The following TMEM67 variants were observed in gnomAD, a reference collection of about 807,000 sequenced individuals.
TMEM67 encodes the protein transmembrane protein 67.
TMEM67 carries 124 observed loss-of-function variants against 136.6 expected under a neutral mutation model. That is an observed-to-expected ratio of 0.91 (90% confidence interval 0.78 to 1.05). The LOEUF (loss-of-function observed/expected upper bound fraction) is 1.05. Among genes scored for constraint, TMEM67 ranks in the 50% least tolerant of loss-of-function variants. The pLI is 0.00. For synonymous variants in TMEM67, 364 were observed against 390.5 expected, an observed-to-expected ratio of 0.93 and a Z score of 0.80; for missense variants, 1,107 against 1,178.4, an observed-to-expected ratio of 0.94 and a Z score of 0.89.
chr8:93,780,756 A>G lies in TMEM67; in HGVS notation c.869+9A>G, dbSNP rs372597584. 604 of 1,613,826 alleles carry G rather than the reference A, an allele frequency of 3.7e-4. 1 individual carries two copies. Among genetic ancestry groups the G allele is most frequent in the Non-Finnish European group, 4.9e-4 (575 of 1,179,966 alleles). ...CATTCTATTTCATTTTGGTAAGGAT[A>G]TTTTGATTGATGAAATGTTATTTTG... On this transcript the variant is annotated intron_variant, in intron 8 of 27. Coordinates refer to ENST00000453321, the MANE Select transcript of TMEM67 (RefSeq NM_153704.6).
chr8:93,816,620 A>G lies in TMEM67; in HGVS notation c.*168A>G, dbSNP rs1481767789. The G allele has an allele frequency of 1.7e-5, 8 of 480,662 alleles. No homozygotes were observed. The highest frequency in any genetic ancestry group is 3.6e-5 in the Admixed American group (1 of 27,896). 29.8% of individuals were successfully genotyped at this position (480,662 alleles called of 1,614,324 possible). A position where few individuals can be genotyped will look rare whatever the true frequency, so the allele number is the denominator to read the frequency against. On this transcript the variant is annotated 3_prime_UTR_variant, in exon 28 of 28. Coordinates refer to ENST00000453321, the MANE Select transcript of TMEM67 (RefSeq NM_153704.6). ...ATAACTTGGGAATATATAACCTGAT[A>G]TAATAGAAAATACTGTTTTCCCATT...
intron 26 of TMEM67, 100 bp downstream of exon 26, chr8:93,809,987 T>TTC: frequency 3.0e-6 from 2 of 667,996 alleles, no homozygotes; most frequent in African/African-American, 3.7e-5. Context: ...TTTTTTTTTT[T>TTC]AGACGGCGTC....
At chr8:93,776,362 G>T (rs1055977072) in intron 7 of TMEM67, among the ~76,000 whole-genome samples, 11 of 151,984 alleles carry the variant, frequency 7.2e-5, no homozygotes, top group African/African-American at 2.7e-4. Flanking sequence ...TTGCCTGATT[G>T]CCCTGGCCAG....
chr8:93,793,309 G>C lies in TMEM67; in HGVS notation c.1674+13G>C. 6.3e-7 allele frequency: 1 copy of C among 1,595,754 alleles called. No individual in the cohort carries two copies. On this transcript the variant is annotated intron_variant, in intron 16 of 27. Coordinates refer to ENST00000453321, the MANE Select transcript of TMEM67 (RefSeq NM_153704.6). ...GATTGATTTACAGGTATAATCTCAGGAGTTTTTTAAGAATATTTTTATCTT... is the reference window on the plus strand; with the variant it reads ...GATTGATTTACAGGTATAATCTCAGCAGTTTTTTAAGAATATTTTTATCTT...
intron 21 of TMEM67, among the ~76,000 whole-genome samples, chr8:93,800,911 G>C (rs951507612): frequency 6.6e-6 from 1 of 151,134 alleles, no homozygotes; most frequent in Non-Finnish European, 1.5e-5. Context: ...CGTACCCCTT[G>C]TGGAGTTTTT....
At chr8:93,758,887 CTG>C (rs1812696589) in intron 3 of TMEM67, 2 of 298,148 alleles carry the variant, frequency 6.7e-6, no homozygotes, top group South Asian at 1.0e-4. Flanking sequence ...GCATCAGTCA[CTG>C]TGTCCAGCCC....
At chr8:93,797,571 C>T (rs1243406423) in intron 20 of TMEM67, 101 bp downstream of exon 20, 9 of 1,151,926 alleles carry the variant, frequency 7.8e-6, no homozygotes, top group African/African-American at 3.1e-5. Flanking sequence ...GAAGATTTCT[C>T]TAAAGGTTGA....
At chr8:93,808,772 G>A in intron 23 of TMEM67, 68 bp from the exon 24 acceptor site, 3 of 974,512 alleles carry the variant, frequency 3.1e-6, no homozygotes, top group South Asian at 1.3e-5. Context: ...AAAAAGTTCT[G>A]TATTTTCTTT....
At chr8:93,796,918 A>G (rs1368340437) in intron 18 of TMEM67, among the ~76,000 whole-genome samples, 1 of 152,198 alleles carries the variant, frequency 6.6e-6, no homozygotes, top group East Asian at 1.9e-4. Flanking sequence ...GGGAAGGTAA[A>G]TTAAGATGTA....
Position 93,772,590 on chromosome 8 carries a change from G to T in TMEM67, c.653G>T (p.Gly218Val). The change falls in exon 7 of 28, where the codon GGC becomes GTC. Residue 218 changes from glycine (G) to valine (V), a missense_variant and splice_region_variant. Gly to Val is a moderately radical substitution (Grantham distance 109, BLOSUM62 -3). Transcript: ENST00000453321. ...RISAARYGEV[G>V]MSLTSEWFAK... ...TAAAATGTATCTTTTTGTTTACAGG[G>T]CATGTCTTTAACTTCAGAATGGTTT... 1 of 1,610,878 alleles carries T rather than the reference G, an allele frequency of 6.2e-7. No individual in the cohort carries two copies. Among genetic ancestry groups the T allele is most frequent in the Non-Finnish European group, 8.5e-7 (1 of 1,177,636 alleles).
the TMEM67 span, among the ~76,000 whole-genome samples, chr8:93,827,041 G>A: frequency 6.6e-6 from 1 of 152,244 alleles, no homozygotes; most frequent in East Asian, 1.9e-4. Context: ...ATGTTGGCCA[G>A]GCTGGTCTCA....
chr8:93,829,563 A>G, the TMEM67 span, among the ~76,000 whole-genome samples: 4 of 152,186 alleles, frequency 2.6e-5, no homozygotes, highest in African/African-American at 7.2e-5. Flanking sequence ...CTGCGATCAC[A>G]TAGGCTTAGA....
At chr8:93,795,306 G>T in intron 16 of TMEM67, 103 bp from the exon 17 acceptor site, 2 of 961,794 alleles carry the variant, frequency 2.1e-6, no homozygotes, top group Admixed American at 3.5e-5. Context: ...CAAGGCTTCA[G>T]GCTTAAGAAA....
the TMEM67 span, among the ~76,000 whole-genome samples, chr8:93,826,154 G>GTTTTTTTTTTTTTTTTT: frequency 2.3e-5 from 1 of 44,238 alleles, no homozygotes; most frequent in African/African-American, 7.4e-5. Context: ...TTTTTTTTGA[G>GTTTTTTTTTTTTTTTTT]TCGGAGTCTC....
At chr8:93,796,076 G>A (rs1023444075) in intron 18 of TMEM67, 89 bp downstream of exon 18, 223 of 900,858 alleles carry the variant, frequency 2.5e-4, no homozygotes, top group Non-Finnish European at 3.4e-4. Flanking sequence ...AAAAATCTTT[G>A]GCGTGAAATT....
intron 1 of TMEM67, 75 bp from the exon 2 acceptor site, chr8:93,755,703 G>A (rs1812536072): frequency 2.1e-6 from 2 of 961,274 alleles, no homozygotes; most frequent in Non-Finnish European, 3.1e-6. Context: ...CTTATTAAAA[G>A]TTTCACTATC....
chr8:93,807,904 G>A (rs1815226273), intron 23 of TMEM67, among the ~76,000 whole-genome samples: 1 of 151,914 alleles, frequency 6.6e-6, no homozygotes, highest in African/African-American at 2.4e-5. Context: ...TGGTTGTCAG[G>A]ATCCAAGTTG....
intron 7 of TMEM67, among the ~76,000 whole-genome samples, chr8:93,773,052 A>G (rs1813393794): frequency 6.6e-6 from 1 of 152,188 alleles, no homozygotes; most frequent in Admixed American, 6.5e-5. Flanking sequence ...AGTTAAGAGT[A>G]AAGTACATAG....
chr8:93,823,653 G>A (rs928336790), downstream of TMEM67, among the ~76,000 whole-genome samples: 1 of 152,152 alleles, frequency 6.6e-6, no homozygotes, highest in Non-Finnish European at 1.5e-5. Context: ...CAAAGGCCCT[G>A]ATGTGGGGGC....
Sources: allele counts gnomAD v4.1 joint callset (sites outside exome capture counted in the v4.1 genomes callset), GRCh38; gene constraint gnomAD v4.1.1; transcripts MANE v1.5; gene names NCBI Gene and HGNC (gene_info 2026-07-23, HGNC 2026-07-21).